Variants in STK25 observed in about 807,000 individuals in gnomAD.
The protein encoded by STK25 is serine/threonine kinase 25.
A neutral mutation model predicts 53.8 loss-of-function variants in STK25; 29 were observed. The ratio of observed to expected loss-of-function variants is 0.54; its 90% confidence interval spans 0.40 to 0.74. The LOEUF (loss-of-function observed/expected upper bound fraction) is 0.74, where lower values mean the gene tolerates loss of function less well. STK25 is among the 30% of genes least tolerant of loss of function. STK25 has a pLI of 0.00. For synonymous variants in STK25, 247 were observed against 238.3 expected (o/e 1.04, Z -0.33); for missense variants, 420 against 568.0 (o/e 0.74, Z 2.65).
At position 241,494,235 on chromosome 2, in the gene STK25, TC is replaced by T; in HGVS notation, c.*1426del. The stretch of plus-strand genomic sequence containing the variant: ...GGGAAGTGGCTGTGGTCTCACTGGA[TC>T]CCCACTGGCACCAGCAGTGTGGGTG... On this transcript the variant is annotated 3_prime_UTR_variant, in exon 12 of 12. Coordinates refer to ENST00000316586, the MANE Select transcript of STK25 (RefSeq NM_001271977.2). The surrounding 1 kb of genome is among the most constrained non-coding windows in gnomAD (Gnocchi z 4.9). The T allele has an allele frequency of 3.4e-6, 2 of 587,026 alleles. No homozygotes were observed. Among genetic ancestry groups the T allele is most frequent in the Non-Finnish European group, 5.5e-6 (2 of 361,042 alleles). The allele number at this position is 587,026 out of a possible 1,614,324, so 36.4% of individuals were successfully genotyped here.
chr2:241,493,032 A>G lies in STK25; in HGVS notation c.*2630T>C, dbSNP rs760259191. The G allele has an allele frequency of 4.2e-5, 65 of 1,559,792 alleles. No individual in the cohort carries two copies. Among genetic ancestry groups the G allele is most frequent in the Non-Finnish European group, 5.7e-5 (64 of 1,130,568 alleles). ...TTCTGTTTGTTCTTCTACAAAACTC[A>G]TCAGGTACTGGAGTTTCACTGGAGC... On this transcript the variant is annotated 3_prime_UTR_variant, in exon 12 of 12. Transcript: ENST00000316586.
At position 241,508,146 on chromosome 2, in the gene STK25, C is replaced by A. The variant is rs911456085; in HGVS notation, c.-100-11G>T. ...TGCGGCGTCAGTCCACTGCGAGGGA[C>A]ACCAGGGGCGCTCGGTGCCCAGTTC... On this transcript the variant is annotated splice_polypyrimidine_tract_variant and intron_variant, in intron 1 of 11. Coordinates refer to ENST00000316586, the MANE Select transcript of STK25 (RefSeq NM_001271977.2). The A allele has an allele frequency of 1.4e-6, 2 of 1,478,706 alleles. No homozygotes were observed. Among genetic ancestry groups the A allele is most frequent in the African/African-American group, 2.9e-5 (2 of 68,868 alleles). The allele number at this position is 1,478,706 out of a possible 1,614,324, so 91.6% of individuals were successfully genotyped here.
rs747337771 is a variant in STK25, at chr2:241,501,586, G to A, written c.153C>T (p.Ile51=). 20 of 1,614,128 alleles carry A rather than the reference G, an allele frequency of 1.2e-5. No homozygotes were observed. The highest frequency in any genetic ancestry group is 2.2e-5 in the South Asian group (2 of 91,076). ...HTKEVVAIKI[I]DLEEAEDEIE... is the part of the protein sequence containing the mutation. ...TCTCATCCTCGGCCTCCTCCAGGTC[G>A]ATGATCTTGATGGCCACCACCTCCT... Residue 51 remains isoleucine, a synonymous_variant, in exon 3 of 12, where the codon ATC becomes ATT. Coordinates refer to ENST00000316586, the MANE Select transcript of STK25 (RefSeq NM_001271977.2). This position sits in a 1 kb window ranked among gnomAD's most constrained non-coding sequence, Gnocchi z 5.3.
rs1403551042 is a variant in STK25 at position 241,501,948 on chromosome 2, A to G, written c.31-240T>C. The stretch of plus-strand genomic sequence containing the variant: ...TTTGGGAGGCCGAGGCAGGTGGATC[A>G]CTTGAGGTCAGGAGTTCGAGACCAG... On this transcript the variant is annotated intron_variant, in intron 2 of 11. Coordinates refer to ENST00000316586, the MANE Select transcript of STK25 (RefSeq NM_001271977.2). This position sits in a 1 kb window ranked among gnomAD's most constrained non-coding sequence, Gnocchi z 5.3. 2.2e-6 allele frequency: 1 copy of G among 446,952 alleles called. No individual in the cohort carries two copies. Among genetic ancestry groups the G allele is most frequent in the Non-Finnish European group, 4.1e-6 (1 of 240,996 alleles). 27.7% of individuals were successfully genotyped at this position (446,952 alleles called of 1,614,324 possible). A position where few individuals can be genotyped will look rare whatever the true frequency, so the allele number is the denominator to read the frequency against.
At chr2:241,508,627 G>A, upstream of STK25, 1 of 986,992 alleles carries the variant, frequency 1.0e-6, no homozygotes, top group Non-Finnish European at 1.2e-6. Flanking sequence ...CGCGGCCCGC[G>A]CACGGCTCTC....
In STK25 at chr2:241,507,036, C is replaced by T. The variant is rs796633484; in HGVS notation, c.30+970G>A. 3.9e-5 allele frequency among the ~76,000 whole-genome samples: 6 copies of T among 152,296 alleles called. 1 individual carries two copies. The highest frequency in any genetic ancestry group is 1.2e-4 in the African/African-American group (5 of 41,560). On this transcript the variant is annotated intron_variant, in intron 2 of 11. Transcript: ENST00000316586. ...CAGTTCCTGCCCCTACGCGAACAGA[C>T]GCCCTTCCTGTTCCACTGCAGGCCC...
chr2:241,508,720 G>C, upstream of STK25: 1 of 985,496 alleles, frequency 1.0e-6, no homozygotes, highest in African/African-American at 1.7e-5. Flanking sequence ...TGCGCGAGAG[G>C]GGGCCGGGGC....
In STK25 at chr2:241,493,559, G is replaced by C. The variant is rs1023562349; in HGVS notation, c.*2103C>G. 1 of 916,876 alleles carries C rather than the reference G, an allele frequency of 1.1e-6. No homozygotes were observed. The highest frequency in any genetic ancestry group is 1.7e-6 in the Non-Finnish European group (1 of 588,044). The allele number at this position is 916,876 out of a possible 1,614,324, so 56.8% of individuals were successfully genotyped here. On this transcript the variant is annotated 3_prime_UTR_variant, in exon 12 of 12. Coordinates refer to ENST00000316586, the MANE Select transcript of STK25 (RefSeq NM_001271977.2). ...CTGGGCCCTGGAAAGGAAGGGCTGA[G>C]CAATGCTTCCAGCATTTCCAAAAAA...
Position 241,501,171 on chromosome 2 carries a change from T to C in STK25, c.261+307A>G, listed in dbSNP as rs757302840. On this transcript the variant is annotated intron_variant, in intron 3 of 11. Coordinates refer to ENST00000316586, the MANE Select transcript of STK25 (RefSeq NM_001271977.2). This position sits in a 1 kb window ranked among gnomAD's most constrained non-coding sequence, Gnocchi z 5.3. ...ACAGCGTTCCCTACACCCCAGACACTGGCACCACCAGCCACCTGCTCCTCA... is the reference window on the plus strand; with the variant it reads ...ACAGCGTTCCCTACACCCCAGACACCGGCACCACCAGCCACCTGCTCCTCA... The C allele has an allele frequency of 1.8e-6, 1 of 549,484 alleles. No homozygotes were observed. The highest frequency in any genetic ancestry group is 3.3e-6 in the Non-Finnish European group (1 of 304,302). The allele number at this position is 549,484 out of a possible 1,614,324, so 34.0% of individuals were successfully genotyped here.
Position 241,505,757 on chromosome 2 carries a change from C to T in STK25, c.30+2249G>A, listed in dbSNP as rs138154504. 8.5e-3 allele frequency among the ~76,000 whole-genome samples: 1,296 copies of T among 152,364 alleles called. 12 individuals are homozygous for T. The highest frequency in any genetic ancestry group is 0.014 in the South Asian group (67 of 4,828). On this transcript the variant is annotated intron_variant, in intron 2 of 11. Coordinates refer to ENST00000316586, the MANE Select transcript of STK25 (RefSeq NM_001271977.2). Reference sequence around the variant, plus strand: ...TGACAGGAACCCTCTTGGCTGTGATCCTGGCCCTACAATGACATCGCAGGC... The same window carrying T: ...TGACAGGAACCCTCTTGGCTGTGATTCTGGCCCTACAATGACATCGCAGGC...
Position 241,501,033 on chromosome 2 carries a change from C to T in STK25, c.262-237G>A, listed in dbSNP as rs1411863040. ...CACAGCAGTGGCTGACTCCACTTCACCAAGACCCCATCAAAAACCAGGCTG... is the reference window on the plus strand; with the variant it reads ...CACAGCAGTGGCTGACTCCACTTCATCAAGACCCCATCAAAAACCAGGCTG... On this transcript the variant is annotated intron_variant, in intron 3 of 11. Coordinates refer to ENST00000316586, the MANE Select transcript of STK25 (RefSeq NM_001271977.2). This position sits in a 1 kb window ranked among gnomAD's most constrained non-coding sequence, Gnocchi z 5.3. 1.7e-6 allele frequency: 1 copy of T among 587,522 alleles called. No individual in the cohort carries two copies. Among genetic ancestry groups the T allele is most frequent in the African/African-American group, 1.9e-5 (1 of 53,640 alleles). The allele number at this position is 587,522 out of a possible 1,614,324, so 36.4% of individuals were successfully genotyped here. A position where few individuals can be genotyped will look rare whatever the true frequency, so the allele number is the denominator to read the frequency against.
intron 10 of STK25, 41 bp downstream of exon 10, chr2:241,497,575 C>G: frequency 6.2e-7 from 1 of 1,602,772 alleles, no homozygotes; most frequent in Non-Finnish European, 8.5e-7. Context: ...ACAGCCTTGT[C>G]CTTGACGGGA....
intron 2 of STK25, among the ~76,000 whole-genome samples, chr2:241,502,821 C>T (rs747392877): frequency 2.6e-5 from 4 of 152,128 alleles, no homozygotes; most frequent in Non-Finnish European, 5.9e-5. Flanking sequence ...TCCTCCACTC[C>T]TGAAAGTCAC....
Position 241,501,313 on chromosome 2 carries a change from C to A in STK25, c.261+165G>T. 1 of 702,754 alleles carries A rather than the reference C, an allele frequency of 1.4e-6. No homozygotes were observed. Among genetic ancestry groups the A allele is most frequent in the Non-Finnish European group, 2.5e-6 (1 of 400,968 alleles). The allele number at this position is 702,754 out of a possible 1,614,324, so 43.5% of individuals were successfully genotyped here. A position where few individuals can be genotyped will look rare whatever the true frequency, so the allele number is the denominator to read the frequency against. ...TGGCCATTTAGAGCCAACTGACCCTCGTGGACGAGGGCTCACACCCTGCCT... is the reference window on the plus strand; with the variant it reads ...TGGCCATTTAGAGCCAACTGACCCTAGTGGACGAGGGCTCACACCCTGCCT... On this transcript the variant is annotated intron_variant, in intron 3 of 11. Transcript: ENST00000316586. This position sits in a 1 kb window ranked among gnomAD's most constrained non-coding sequence, Gnocchi z 5.3.
In STK25 at chr2:241,496,252, G is replaced by A. The variant is rs548238106; in HGVS notation, c.1241+146C>T. 2.3e-4 allele frequency: 227 copies of A among 967,120 alleles called. No individual in the cohort carries two copies. The highest frequency in any genetic ancestry group is 3.3e-4 in the Non-Finnish European group (214 of 643,348). 59.9% of individuals were successfully genotyped at this position (967,120 alleles called of 1,614,324 possible). A position where few individuals can be genotyped will look rare whatever the true frequency, so the allele number is the denominator to read the frequency against. On this transcript the variant is annotated intron_variant, in intron 11 of 11. Coordinates refer to ENST00000316586, the MANE Select transcript of STK25 (RefSeq NM_001271977.2). This position sits in a 1 kb window ranked among gnomAD's most constrained non-coding sequence, Gnocchi z 5.8. ...GTGAGCTGGGTCCAAACAAGGAAGA[G>A]GATGCCACGCCGCGCCTTCCCAGAG...
At chr2:241,505,352 C>A (rs889832047) in intron 2 of STK25, among the ~76,000 whole-genome samples, 1 of 152,152 alleles carries the variant, frequency 6.6e-6, no homozygotes, top group African/African-American at 2.4e-5. Flanking sequence ...CCGGAAAGAC[C>A]CCAAGGGAGT....
rs561065814 is a variant in STK25, at chr2:241,495,393, C to T, written c.*269G>A. ...GCGTAGCTCATGAGGGCCACGCCGG[C>T]GGCTGGAGCCCCCGTGAGCAATACT... is the stretch of plus-strand genomic sequence containing the variant. On this transcript the variant is annotated 3_prime_UTR_variant, in exon 12 of 12. Transcript: ENST00000316586. The T allele has an allele frequency of 1.7e-4, 83 of 481,008 alleles. No homozygotes were observed. The Middle Eastern group carries it at 2.3e-3, about 13-fold the overall frequency. The allele number at this position is 481,008 out of a possible 1,614,324, so 29.8% of individuals were successfully genotyped here. A position where few individuals can be genotyped will look rare whatever the true frequency, so the allele number is the denominator to read the frequency against.
At chr2:241,503,182 G>A (rs1322901783) in intron 2 of STK25, among the ~76,000 whole-genome samples, 1 of 152,076 alleles carries the variant, frequency 6.6e-6, no homozygotes, top group African/African-American at 2.4e-5. Context: ...TTCTGCCTCA[G>A]CCTCCCAAGT....
intron 9 of STK25, 92 bp from the exon 10 acceptor site, chr2:241,497,779 C>T: frequency 7.5e-7 from 1 of 1,331,442 alleles, no homozygotes; most frequent in Non-Finnish European, 1.1e-6. Flanking sequence ...CTTGAAGAGA[C>T]AGAGGCTGGG....
Sources: gnomAD v4.1 joint callset for allele counts (sites outside exome capture counted in the v4.1 genomes callset) on GRCh38, gnomAD v4.1.1 for gene constraint, Gnocchi (gnomAD v3.1) non-coding constraint, MANE v1.5 for transcripts, NCBI Gene and HGNC (gene_info 2026-07-23, HGNC 2026-07-21) for gene names.